KMT2E: variants seen among roughly 807,000 people sequenced by gnomAD.
The protein encoded by KMT2E is histone reader KMT2E.
In KMT2E, 30 loss-of-function variants were observed where a neutral mutation model predicts 184.6. That is an observed-to-expected ratio of 0.16 (90% CI 0.12 to 0.22). The LOEUF is 0.22. KMT2E is among the 10% of genes least tolerant of loss of function. The pLI is 1.00. For missense variants in KMT2E, 2,023 were observed against 2,237.4 expected (o/e 0.90, Z 1.93); for synonymous variants, 815 against 776.5 (o/e 1.05, Z -0.82).
intron 15 of KMT2E, among the ~76,000 whole-genome samples, chr7:105,093,898 A>T (rs966011582): frequency 1.1e-4 from 16 of 152,202 alleles, no homozygotes; most frequent in African/African-American, 3.4e-4. Flanking sequence ...AGTATTTTTC[A>T]TGGGAATAAA....
Position 105,112,518 on chromosome 7 carries a change from C to G in KMT2E, c.4762C>G (p.Gln1588Glu). Residue 1588 changes from glutamine to glutamate, a missense_variant, in exon 27 of 27, where the codon CAA becomes GAA. This residue lies in a region of KMT2E where 1,108 missense variants were observed against 1,050.9 expected (regional missense o/e 1.05). Coordinates refer to ENST00000311117, the MANE Select transcript of KMT2E (RefSeq NM_182931.3). ...AACTGTGTTTACATCAGGACCAAAT[C>G]AAGCACTTCCTGGCACCACAAGCCA... ...QQTVFTSGPN[Q>E]ALPGTTSQQT... 1 of 1,614,082 alleles carries G rather than the reference C, an allele frequency of 6.2e-7. No individual in the cohort carries two copies. Among genetic ancestry groups the G allele is most frequent in the Non-Finnish European group, 8.5e-7 (1 of 1,180,008 alleles).
intron 3 of KMT2E, among the ~76,000 whole-genome samples, chr7:105,042,891 T>A (rs1312580905): frequency 6.6e-6 from 1 of 152,226 alleles, no homozygotes; most frequent in African/African-American, 2.4e-5. Context: ...TATAACCTAT[T>A]CATGTTATGC....
chr7:105,108,998 G>C lies in KMT2E; in HGVS notation c.3525G>C (p.Lys1175Asn). The C allele has an allele frequency of 6.2e-7, 1 of 1,614,106 alleles. No individual in the cohort carries two copies. Among genetic ancestry groups the C allele is most frequent in the Non-Finnish European group, 8.5e-7 (1 of 1,179,988 alleles). The part of the protein sequence containing the change: ...RQREARKSGS[K>N]TENFPLISVS... The stretch of plus-strand genomic sequence containing the variant: ...GTGAAGCTAGGAAAAGTGGCTCTAA[G>C]ACAGAGAACTTTCCACTCATTAGTG... The change falls in exon 23 of 27, where the codon AAG becomes AAC. Residue 1175 changes from lysine (K) to asparagine (N), a missense_variant. This residue lies in a region of KMT2E where 1,108 missense variants were observed against 1,050.9 expected (regional missense o/e 1.05). Transcript: ENST00000311117.
intron 13 of KMT2E, among the ~76,000 whole-genome samples, chr7:105,083,996 TA>T (rs1489706094): frequency 2.6e-5 from 4 of 152,262 alleles, no homozygotes; most frequent in African/African-American, 9.6e-5. Flanking sequence ...GATCTATAGC[TA>T]TGTCTTTCTT....
At chr7:105,027,074 CTTTTT>C (rs34930855) in intron 1 of KMT2E, among the ~76,000 whole-genome samples, 12 of 81,908 alleles carry the variant, frequency 1.5e-4, no homozygotes, top group Non-Finnish European at 2.7e-4. Context: ...GCCCCGCCCT[CTTTTT>C]TTTTTTTTTT....
intron 13 of KMT2E, among the ~76,000 whole-genome samples, chr7:105,084,141 A>AT (rs765279112): frequency 6.6e-6 from 1 of 152,072 alleles, no homozygotes; most frequent in Non-Finnish European, 1.5e-5. Flanking sequence ...TTTTATTATT[A>AT]TTTTTTACAA....
At chr7:105,041,687 C>A (rs1795888986) in intron 3 of KMT2E, among the ~76,000 whole-genome samples, 1 of 152,212 alleles carries the variant, frequency 6.6e-6, no homozygotes, top group Non-Finnish European at 1.5e-5. Context: ...GCATGAACCA[C>A]TGCGCTCAGC....
At chr7:105,020,792 G>A (rs1165633406) in intron 1 of KMT2E, among the ~76,000 whole-genome samples, 3 of 151,836 alleles carry the variant, frequency 2.0e-5, no homozygotes, top group Non-Finnish European at 2.9e-5. Context: ...TTTCCTTACC[G>A]TTTGGCCTAA....
rs910644971 is a variant in KMT2E at position 105,097,056 on chromosome 7, C to G, written c.1723-4369C>G. Among the ~76,000 whole-genome samples the G allele has an allele frequency of 2.6e-5, 4 of 152,206 alleles. No homozygotes were observed. In the East Asian group the frequency reaches 7.7e-4, roughly 29 times the overall value. ...TTGTGGATAACACCTTTGACCCCCACAGAGTGTTATTCAGTGGAACAGACT... is the reference window on the plus strand; with the variant it reads ...TTGTGGATAACACCTTTGACCCCCAGAGAGTGTTATTCAGTGGAACAGACT... On this transcript the variant is annotated intron_variant, in intron 15 of 26. Coordinates refer to ENST00000311117, the MANE Select transcript of KMT2E (RefSeq NM_182931.3).
rs373514504 is a variant in KMT2E, at chr7:105,076,094, A to T, written c.768+13A>T. ...ATCAAGAGTTAAGGTAAATACATTA[A>T]TTTTAAGGTGTTGTTATCAACTGTC... On this transcript the variant is annotated intron_variant, in intron 9 of 26. Transcript: ENST00000311117. The T allele has an allele frequency of 1.3e-6, 2 of 1,571,028 alleles. No homozygotes were observed. Among genetic ancestry groups the T allele is most frequent in the South Asian group, 2.2e-5 (2 of 89,900 alleles).
chr7:105,044,058 A>C (rs890782261), intron 3 of KMT2E, among the ~76,000 whole-genome samples: 23 of 152,230 alleles, frequency 1.5e-4, no homozygotes, highest in Non-Finnish European at 4.4e-5. Flanking sequence ...TGATCGCACC[A>C]CTGCGTTCCA....
At chr7:105,108,485 G>C (rs1190506982) in intron 22 of KMT2E, 1 of 439,690 alleles carries the variant, frequency 2.3e-6, no homozygotes, top group African/African-American at 2.0e-5. Context: ...TTGTTAGTAG[G>C]CTTATTGCTT....
chr7:105,041,045 A>C, intron 3 of KMT2E, 22 bp downstream of exon 3: 1 of 1,354,814 alleles, frequency 7.4e-7, no homozygotes, highest in Non-Finnish European at 1.0e-6. Flanking sequence ...AATTGGTTAC[A>C]TAAGCAAAAA....
At chr7:105,026,815 T>C (rs1246453256) in intron 1 of KMT2E, among the ~76,000 whole-genome samples, 1 of 152,188 alleles carries the variant, frequency 6.6e-6, no homozygotes, top group Admixed American at 6.5e-5. Flanking sequence ...TCTACAGTGA[T>C]AGTGGAAGTT....
intron 15 of KMT2E, among the ~76,000 whole-genome samples, chr7:105,092,741 GTTTA>G (rs1798256220): frequency 6.6e-6 from 1 of 152,084 alleles, no homozygotes; most frequent in Non-Finnish European, 1.5e-5. Context: ...GTATTGTTCT[GTTTA>G]TTCTTCAACT....
intron 8 of KMT2E, among the ~76,000 whole-genome samples, chr7:105,075,745 A>C (rs577964333): frequency 5.5e-4 from 83 of 151,920 alleles, no homozygotes; most frequent in African/African-American, 2.0e-3. Context: ...GGGTATTCAT[A>C]GACTGGCATG....
Position 105,109,169 on chromosome 7 carries a change from C to A in KMT2E, c.3696C>A (p.Ser1232Arg). 1 of 1,614,102 alleles carries A rather than the reference C, an allele frequency of 6.2e-7. No individual in the cohort carries two copies. The highest frequency in any genetic ancestry group is 1.1e-5 in the South Asian group (1 of 91,092). ...TVYNATSEET[S>R]NNCPVKDATA... The stretch of plus-strand genomic sequence containing the variant: ...ATAATGCCACTTCTGAAGAAACTAG[C>A]AATAACTGCCCTGTTAAGGATGCTA... Residue 1232 changes from serine to arginine, a missense_variant, in exon 23 of 27, where the codon AGC becomes AGA. Around this residue, in one of 8 missense-constraint regions of KMT2E, gnomAD observed 1,108 missense variants for 1,050.9 expected, o/e 1.05. Transcript: ENST00000311117.
chr7:105,015,056 CTT>C (rs1794655514), intron 1 of KMT2E, among the ~76,000 whole-genome samples: 1 of 151,998 alleles, frequency 6.6e-6, no homozygotes, highest in East Asian at 1.9e-4. Flanking sequence ...GGGCATCTCT[CTT>C]TGTGGGAGAG....
intron 15 of KMT2E, 113 bp downstream of exon 15, chr7:105,091,427 C>T: frequency 1.4e-6 from 1 of 710,024 alleles, no homozygotes. Context: ...GAATGATGTG[C>T]CATTGAGCAT....
Sources: gnomAD v4.1 joint callset for allele counts (sites outside exome capture counted in the v4.1 genomes callset) on GRCh38, gnomAD v4.1.1 for gene constraint, gnomAD v4.1.1 regional missense constraint, MANE v1.5 for transcripts, NCBI Gene and HGNC (gene_info 2026-07-23, HGNC 2026-07-21) for gene names.